MACROH2A2: variants seen among roughly 807,000 people sequenced by gnomAD.
MACROH2A2 encodes macroH2A.2 histone, also known as core histone macro-H2A.2.
MACROH2A2 carries 6 observed loss-of-function variants against 37.6 expected under a neutral mutation model. The observed-to-expected ratio is 0.16, with a 90% CI of 0.09 to 0.32. The LOEUF is 0.32. MACROH2A2 is among the 10% of genes least tolerant of loss of function. The pLI is 1.00. For synonymous variants in MACROH2A2, 192 were observed against 202.7 expected (o/e 0.95, Z 0.45); for missense variants, 290 against 485.9 (o/e 0.60, Z 3.79).
chr10:70,063,041 T>C (rs942379869), intron 1 of MACROH2A2, among the ~76,000 whole-genome samples: 1 of 152,022 alleles, frequency 6.6e-6, no homozygotes, highest in Non-Finnish European at 1.5e-5. Context: ...ATGCTGGAGC[T>C]GTCTAATGGC....
At chr10:70,076,866 G>T (rs1021160902) in intron 2 of MACROH2A2, among the ~76,000 whole-genome samples, 1 of 151,902 alleles carries the variant, frequency 6.6e-6, no homozygotes, top group Non-Finnish European at 1.5e-5. Context: ...GCTCAGTCCT[G>T]CCCTGCCCTC....
At position 70,070,962 on chromosome 10, in the gene MACROH2A2, A is replaced by AGT. The variant is rs9299504; in HGVS notation, c.-59-4617_-59-4616dup. 2.4e-3 allele frequency among the ~76,000 whole-genome samples: 358 copies of AGT among 150,128 alleles called. 2 individuals are homozygous for AGT. The highest frequency in any genetic ancestry group is 5.7e-3 in the East Asian group (29 of 5,096). On this transcript the variant is annotated intron_variant, in intron 1 of 8. Transcript: ENST00000373255. ...GTCATTCTCTGGCTGTTTTGAGGAAAGTGTGTGTGTGTGTGTGTGTGTCTG... is the reference window on the plus strand; with the variant it reads ...GTCATTCTCTGGCTGTTTTGAGGAAAGTGTGTGTGTGTGTGTGTGTGTGTCTG...
chr10:70,062,661 G>A (rs1006607105), intron 1 of MACROH2A2, among the ~76,000 whole-genome samples: 8 of 152,160 alleles, frequency 5.3e-5, no homozygotes, highest in Non-Finnish European at 7.3e-5. Context: ...CGGTGTGACC[G>A]AACCCCACCT....
At chr10:70,058,735 G>A (rs2072031924) in intron 1 of MACROH2A2, among the ~76,000 whole-genome samples, 1 of 152,030 alleles carries the variant, frequency 6.6e-6, no homozygotes, top group Non-Finnish European at 1.5e-5. Flanking sequence ...AAATAGTGGT[G>A]GTGGACCACA....
chr10:70,056,949 T>G (rs1307995577), intron 1 of MACROH2A2, among the ~76,000 whole-genome samples: 15 of 152,174 alleles, frequency 9.9e-5, no homozygotes, highest in Admixed American at 9.8e-4. Context: ...AAGATCATGT[T>G]TTTAAAAGGA....
At chr10:70,063,849 A>G (rs1368473500) in intron 1 of MACROH2A2, among the ~76,000 whole-genome samples, 1 of 152,254 alleles carries the variant, frequency 6.6e-6, no homozygotes, top group African/African-American at 2.4e-5. Context: ...CTGAAAGTAC[A>G]TAAGAACATA....
At chr10:70,074,611 G>A (rs2072129725) in intron 1 of MACROH2A2, among the ~76,000 whole-genome samples, 1 of 152,146 alleles carries the variant, frequency 6.6e-6, no homozygotes, top group African/African-American at 2.4e-5. Context: ...GACCTGGTGG[G>A]AGATAATTGA....
chr10:70,057,294 G>A (rs2072023782), intron 1 of MACROH2A2, among the ~76,000 whole-genome samples: 1 of 132,742 alleles, frequency 7.5e-6, no homozygotes, highest in Non-Finnish European at 1.5e-5. Flanking sequence ...CCATGGACAA[G>A]TCATTCAATG....
At position 70,110,115 on chromosome 10, in the gene MACROH2A2, G is replaced by A. The variant is rs528571483; in HGVS notation, c.953+908G>A. On this transcript the variant is annotated intron_variant, in intron 8 of 8. Coordinates refer to ENST00000373255, the MANE Select transcript of MACROH2A2 (RefSeq NM_018649.3). ...GAGATGCTGTGAGATGCATTCTTTC[G>A]TCGGTGGAACCACGGCAGTGCTGTT... Among the ~76,000 whole-genome samples, 14 of 152,254 alleles carry A rather than the reference G, an allele frequency of 9.2e-5. No individual in the cohort carries two copies. The East Asian group carries it at 9.6e-4, about 10-fold the overall frequency.
chr10:70,069,151 T>C (rs1356568209), intron 1 of MACROH2A2, among the ~76,000 whole-genome samples: 1 of 152,202 alleles, frequency 6.6e-6, no homozygotes, highest in East Asian at 1.9e-4. Context: ...CGGTGTTATA[T>C]ATAAAATCTA....
intron 2 of MACROH2A2, among the ~76,000 whole-genome samples, chr10:70,078,862 G>T (rs559079429): frequency 1.4e-5 from 2 of 143,854 alleles, no homozygotes; most frequent in East Asian, 2.6e-4. Flanking sequence ...TTTTTGGTTT[G>T]TTTGTTTTTT....
At chr10:70,092,706 T>C (rs554375540) in intron 4 of MACROH2A2, among the ~76,000 whole-genome samples, 75 of 152,310 alleles carry the variant, frequency 4.9e-4, no homozygotes, top group African/African-American at 1.8e-3. Flanking sequence ...TTCCAAACCC[T>C]AAGCAGGGAT....
intron 1 of MACROH2A2, among the ~76,000 whole-genome samples, chr10:70,054,902 C>T (rs902800684): frequency 6.6e-6 from 1 of 152,198 alleles, no homozygotes; most frequent in African/African-American, 2.4e-5. Context: ...TCCTATCCTA[C>T]CACAGTTACA....
intron 1 of MACROH2A2, among the ~76,000 whole-genome samples, chr10:70,065,179 T>G (rs1026098574): frequency 6.6e-6 from 1 of 152,006 alleles, no homozygotes; most frequent in African/African-American, 2.4e-5. Context: ...CTCGAGTAGC[T>G]GGGATTACAG....
At chr10:70,104,869 G>A (rs1181034270) in intron 7 of MACROH2A2, among the ~76,000 whole-genome samples, 6 of 152,158 alleles carry the variant, frequency 3.9e-5, no homozygotes, top group Non-Finnish European at 5.9e-5. Flanking sequence ...GCAGTTCTAA[G>A]ATGCTTCCTG....
chr10:70,079,355 AC>A (rs1305489865), intron 2 of MACROH2A2, among the ~76,000 whole-genome samples: 2 of 150,890 alleles, frequency 1.3e-5, no homozygotes, highest in African/African-American at 2.4e-5. Flanking sequence ...CCAGATTCAG[AC>A]TGGGGGGGCG....
intron 1 of MACROH2A2, among the ~76,000 whole-genome samples, chr10:70,063,476 T>A (rs536908039): frequency 6.6e-6 from 1 of 152,346 alleles, no homozygotes; most frequent in African/African-American, 2.4e-5. Context: ...AAATTTTATA[T>A]TCTTCAATTA....
intron 8 of MACROH2A2, 26 bp from the exon 9 acceptor site, chr10:70,111,490 CAT>C: frequency 6.2e-7 from 1 of 1,605,040 alleles, no homozygotes; most frequent in East Asian, 2.2e-5. Context: ...ACCAAAATGA[CAT>C]CGGCTCTTCT....
intron 8 of MACROH2A2, among the ~76,000 whole-genome samples, chr10:70,110,834 G>GCTATGAT (rs1257180908): frequency 6.6e-6 from 1 of 152,134 alleles, no homozygotes; most frequent in Admixed American, 6.5e-5. Flanking sequence ...GCTGCAGTGA[G>GCTATGAT]CTATGATCAC....
Sources: gnomAD v4.1 joint callset for allele counts (sites outside exome capture counted in the v4.1 genomes callset) on GRCh38, gnomAD v4.1.1 for gene constraint, MANE v1.5 for transcripts, NCBI Gene and HGNC (gene_info 2026-07-23, HGNC 2026-07-21) for gene names.